The following ARHGAP6 variants were observed in gnomAD, a reference collection of about 807,000 sequenced individuals.
The protein encoded by ARHGAP6 is rho GTPase-activating protein 6.
A neutral mutation model predicts 55.7 loss-of-function variants in ARHGAP6; 16 were observed. That is an observed-to-expected ratio of 0.29 (90% CI 0.19 to 0.44). The LOEUF (loss-of-function observed/expected upper bound fraction) is 0.44, where lower values mean the gene tolerates loss of function less well. Among genes scored for constraint, ARHGAP6 ranks in the 20% least tolerant of loss-of-function variants. The pLI is 1.00. For synonymous variants in ARHGAP6, 382 were observed against 360.9 expected, an observed-to-expected ratio of 1.06 and a Z score of -0.66; for missense variants, 698 against 808.9, an observed-to-expected ratio of 0.86 and a Z score of 1.66.
chrX:11,470,309 T>G (rs766258396), intron 1 of ARHGAP6, among the ~76,000 whole-genome samples: 2 of 111,916 alleles, frequency 1.8e-5, no homozygotes, highest in African/African-American at 6.5e-5. Context: ...GGTTCCCTTG[T>G]GAAAGTGCCC....
chrX:11,554,089 C>T (rs1257491250), intron 1 of ARHGAP6, among the ~76,000 whole-genome samples: 2 of 112,215 alleles, frequency 1.8e-5, no homozygotes, highest in Non-Finnish European at 3.8e-5. Context: ...GTATAATATA[C>T]ACAATGGAAT....
intron 1 of ARHGAP6, among the ~76,000 whole-genome samples, chrX:11,325,293 A>G (rs1388745786): frequency 8.9e-6 from 1 of 112,675 alleles, no homozygotes; most frequent in Non-Finnish European, 1.9e-5. Flanking sequence ...TAAAATTATA[A>G]TGTATTCACT....
At chrX:11,178,343 A>T (rs981652224) in intron 7 of ARHGAP6, 95 bp from the exon 8 acceptor site, 1 of 960,883 alleles carries the variant, frequency 1.0e-6, no homozygotes. Flanking sequence ...TAAGAAAGGG[A>T]TTATCAAGGC....
chrX:11,446,090 AAACT>A (rs1317886984), intron 1 of ARHGAP6, among the ~76,000 whole-genome samples: 3 of 112,109 alleles, frequency 2.7e-5, no homozygotes, highest in African/African-American at 9.7e-5. Context: ...ATTTCTCAAT[AAACT>A]AACTTATTGA....
chrX:11,626,583 T>C (rs1423746271), intron 1 of ARHGAP6, among the ~76,000 whole-genome samples: 1 of 111,844 alleles, frequency 8.9e-6, no homozygotes, highest in Non-Finnish European at 1.9e-5. Context: ...GATGGTTCAA[T>C]GGAAAAGCAA....
chrX:11,500,663 C>CAAAAAAAAAAA (rs995574477), intron 1 of ARHGAP6, among the ~76,000 whole-genome samples: 1 of 33,597 alleles, frequency 3.0e-5, no homozygotes, highest in Non-Finnish European at 5.5e-5. Flanking sequence ...CAGACTCTGT[C>CAAAAAAAAAAA]AAAAAAAAAA....
Position 11,138,633 on chromosome X carries a change from T to C in ARHGAP6, c.*230A>G. ...GACGTTTTTAGATTGGACATTGCCATCTGGTTTGGGTTCTGTTTGTTTTTC... is the reference window on the plus strand; with the variant it reads ...GACGTTTTTAGATTGGACATTGCCACCTGGTTTGGGTTCTGTTTGTTTTTC... On this transcript the variant is annotated 3_prime_UTR_variant, in exon 13 of 13. Transcript: ENST00000337414. 1 of 425,343 alleles carries C rather than the reference T, an allele frequency of 2.4e-6. No homozygotes were observed. Among genetic ancestry groups the C allele is most frequent in the Admixed American group, 4.4e-5 (1 of 22,744 alleles). 35.1% of individuals were successfully genotyped at this position (425,343 alleles called of 1,213,427 possible).
intron 1 of ARHGAP6, among the ~76,000 whole-genome samples, chrX:11,615,959 G>C (rs978671431): frequency 9.0e-6 from 1 of 111,685 alleles, no homozygotes. Context: ...CTATGGCTTG[G>C]ATATAGTTTC....
intron 1 of ARHGAP6, among the ~76,000 whole-genome samples, chrX:11,487,127 C>CA (rs1344670152): frequency 8.9e-6 from 1 of 111,946 alleles, no homozygotes; most frequent in African/African-American, 3.3e-5. Flanking sequence ...CATGATTTTT[C>CA]AATACATAGA....
chrX:11,142,477 G>T (rs956873010), intron 11 of ARHGAP6, 164 bp from the exon 12 acceptor site: 21 of 267,566 alleles, frequency 7.8e-5, no homozygotes, highest in African/African-American at 5.5e-4. Flanking sequence ...CATTCTACTT[G>T]GGATTTACAA....
intron 1 of ARHGAP6, among the ~76,000 whole-genome samples, chrX:11,503,703 T>A (rs1254119192): frequency 9.0e-6 from 1 of 111,660 alleles, no homozygotes; most frequent in African/African-American, 3.3e-5. Flanking sequence ...CGACTCTTTA[T>A]TCATTTGATC....
At chrX:11,458,161 C>A (rs748777627) in intron 1 of ARHGAP6, among the ~76,000 whole-genome samples, 6 of 112,452 alleles carry the variant, frequency 5.3e-5, no homozygotes, top group Non-Finnish European at 7.5e-5. Context: ...TGGTCCAAAT[C>A]TTCATTATTC....
chrX:11,446,010 C>T (rs2050088883), intron 1 of ARHGAP6, among the ~76,000 whole-genome samples: 1 of 111,530 alleles, frequency 9.0e-6, no homozygotes, highest in Non-Finnish European at 1.9e-5. Context: ...AGTCAGAGTT[C>T]CCCAGTTGCT....
chrX:11,497,342 A>G (rs1312544485), intron 1 of ARHGAP6, among the ~76,000 whole-genome samples: 1 of 111,870 alleles, frequency 8.9e-6, no homozygotes, highest in South Asian at 3.7e-4. Flanking sequence ...GAGTAAGTCA[A>G]CACTGGGAAT....
At chrX:11,377,865 T>G (rs1054385499) in intron 1 of ARHGAP6, among the ~76,000 whole-genome samples, 12 of 111,423 alleles carry the variant, frequency 1.1e-4, no homozygotes, top group African/African-American at 3.9e-4. Context: ...ACACAGGACA[T>G]AGATCTCAGA....
intron 1 of ARHGAP6, among the ~76,000 whole-genome samples, chrX:11,567,396 C>CA (rs2051454747): frequency 9.3e-6 from 1 of 107,861 alleles, no homozygotes; most frequent in Non-Finnish European, 1.9e-5. Context: ...ACTAAAAATA[C>CA]AAAAAATATT....
At chrX:11,543,144 A>G (rs911588069) in intron 1 of ARHGAP6, among the ~76,000 whole-genome samples, 5 of 112,237 alleles carry the variant, frequency 4.5e-5, no homozygotes, top group Admixed American at 9.4e-5. Flanking sequence ...TGCAGATACC[A>G]ATGGAACTTT....
intron 1 of ARHGAP6, among the ~76,000 whole-genome samples, chrX:11,397,453 AATATAAT>A (rs1414974793): frequency 9.0e-6 from 1 of 111,542 alleles, no homozygotes; most frequent in African/African-American, 3.3e-5. Flanking sequence ...ATGAAGATGT[AATATAAT>A]ATATATTATC....
rs936613697 is a variant in ARHGAP6, at chrX:11,427,531, C to T, written c.589-172824G>A. 5.3e-6 allele frequency: 5 copies of T among 935,761 alleles called. No homozygotes were observed. In the African/African-American group the frequency reaches 6.3e-5, roughly 12 times the overall value. The allele number at this position is 935,761 out of a possible 1,213,427, so 77.1% of individuals were successfully genotyped here. A position where few individuals can be genotyped will look rare whatever the true frequency, so the allele number is the denominator to read the frequency against. On this transcript the variant is annotated intron_variant, in intron 1 of 12. Transcript: ENST00000337414. ...AGTGGCGCCCCCTGTGTCCTCTGCA[C>T]GCGTCAGGACACTCACCGCGTAGTG...
Sources: gnomAD v4.1 joint callset for allele counts (sites outside exome capture counted in the v4.1 genomes callset) on GRCh38, gnomAD v4.1.1 for gene constraint, MANE v1.5 for transcripts, NCBI Gene and HGNC (gene_info 2026-07-23, HGNC 2026-07-21) for gene names.